PCDHA6: variants seen among roughly 807,000 people sequenced by gnomAD.
PCDHA6 encodes protocadherin alpha-6.
In PCDHA6, 55 loss-of-function variants were observed where a neutral mutation model predicts 60.3. The ratio of observed to expected loss-of-function variants is 0.91; its 90% confidence interval spans 0.73 to 1.14. The LOEUF (loss-of-function observed/expected upper bound fraction) is 1.14. PCDHA6 is among the 50% of genes most tolerant of loss of function. The pLI, the probability that PCDHA6 is intolerant of heterozygous loss-of-function variation, is 0.00. For synonymous variants in PCDHA6, 652 were observed against 557.9 expected, an observed-to-expected ratio of 1.17 and a Z score of -2.38; for missense variants, 1,327 against 1,256.5, an observed-to-expected ratio of 1.06 and a Z score of -0.85.
intron 1 of PCDHA6, among the ~76,000 whole-genome samples, chr5:140,838,280 A>ATTTT (rs34299325): frequency 0.022 from 3,084 of 139,540 alleles, 138 homozygotes; most frequent in African/African-American, 0.08. Context: ...AGCCATGCTA[A>ATTTT]TTTTTTTTTT....
rs2150154867 is a variant in PCDHA6, at chr5:140,828,391, G to T, written c.300G>T (p.Ala100=). 5 of 1,614,294 alleles carry T rather than the reference G, an allele frequency of 3.1e-6. No individual in the cohort carries two copies. In the South Asian group the frequency reaches 5.5e-5, roughly 18 times the overall value. ...GCGAGGAGCTGTGCGGGCGGAGCGC[G>T]GAGTGCAGCATCCACCTGGAGGTGA... ...IDREELCGRS[A]ECSIHLEVIV... The change falls in exon 1 of 4, where the codon GCG becomes GCT. Residue 100 remains alanine, a synonymous_variant. Coordinates refer to ENST00000529310, the MANE Select transcript of PCDHA6 (RefSeq NM_018909.4).
rs2150184620 is a variant in PCDHA6 at position 140,830,293 on chromosome 5, G to T, written c.2202G>T (p.Ala734=). The change falls in exon 1 of 4, where the codon GCG becomes GCT. Residue 734 remains alanine, a synonymous_variant. Transcript: ENST00000529310. ...SAPPTEGACT[A]DKPTLVCSSA... ...CACCCACCGAGGGCGCGTGCACGGC[G>T]GACAAGCCCACGCTGGTGTGCTCCA... The T allele has an allele frequency of 1.5e-5, 25 of 1,613,858 alleles. No homozygotes were observed. The South Asian group carries it at 2.7e-4, about 18-fold the overall frequency.
rs145175505 is a variant in PCDHA6, at chr5:140,843,176, C to T, written c.2394+12691C>T. On this transcript the variant is annotated intron_variant, in intron 1 of 3. Coordinates refer to ENST00000529310, the MANE Select transcript of PCDHA6 (RefSeq NM_018909.4). ...GCTGCAGCCAGCTGCAAGCAGCCCT[C>T]GCATCCCGTTCCGCGTGGGGCTGTA... 1.2e-5 allele frequency: 19 copies of T among 1,595,968 alleles called. 3 individuals carry two copies. Among genetic ancestry groups the T allele is most frequent in the Non-Finnish European group, 1.5e-5 (18 of 1,165,618 alleles).
At chr5:140,835,916 C>T (rs1359534891) in intron 1 of PCDHA6, 4 of 1,612,180 alleles carry the variant, frequency 2.5e-6, no homozygotes, top group Non-Finnish European at 2.5e-6. Context: ...TGTCAGTGCA[C>T]GCGGAGAGCG....
intron 3 of PCDHA6, among the ~76,000 whole-genome samples, chr5:141,008,506 T>G (rs1362141784): frequency 5.9e-5 from 9 of 152,202 alleles, no homozygotes; most frequent in African/African-American, 2.2e-4. Context: ...CTTTATGGTG[T>G]GTCTTCCAAT....
intron 1 of PCDHA6, among the ~76,000 whole-genome samples, chr5:140,901,565 G>A (rs1554189898): frequency 6.6e-6 from 1 of 152,062 alleles, no homozygotes; most frequent in African/African-American, 2.4e-5. Context: ...CTATGTGTCT[G>A]TTTTTATGCC....
In PCDHA6 at chr5:140,870,604, C is replaced by A. The variant is rs376574285; in HGVS notation, c.2394+40119C>A. 10 of 1,613,134 alleles carry A rather than the reference C, an allele frequency of 6.2e-6. No homozygotes were observed. The African/African-American group carries it at 6.7e-5, about 11-fold the overall frequency. Reference sequence around the variant, plus strand: ...GCTGGTGGAGCGGCGGTTGGGCGACCGCGCGCTGTCGAGCTACGTGTCGGT... The same window carrying A: ...GCTGGTGGAGCGGCGGTTGGGCGACAGCGCGCTGTCGAGCTACGTGTCGGT... On this transcript the variant is annotated intron_variant, in intron 1 of 3. Coordinates refer to ENST00000529310, the MANE Select transcript of PCDHA6 (RefSeq NM_018909.4).
At chr5:140,865,393 T>C (rs1484152946) in intron 1 of PCDHA6, 1 of 152,180 alleles carries the variant, frequency 6.6e-6, no homozygotes, top group Admixed American at 6.5e-5. Flanking sequence ...AAAGTTAATA[T>C]AAATGCTGAA....
chr5:141,009,651 C>A lies in PCDHA6; in HGVS notation c.2567C>A (p.Pro856His). 1 of 1,613,950 alleles carries A rather than the reference C, an allele frequency of 6.2e-7. No individual in the cohort carries two copies. The highest frequency in any genetic ancestry group is 8.5e-7 in the Non-Finnish European group (1 of 1,179,936). Residue 856 changes from proline (P) to histidine (H), a missense_variant, in exon 4 of 4, where the codon CCT (proline) becomes CAT (histidine). By Grantham distance (77) the Pro-to-His change is moderately conservative. Coordinates refer to ENST00000529310, the MANE Select transcript of PCDHA6 (RefSeq NM_018909.4). Reference protein sequence around the residue: ...TPEPEAGEVSPPVGAGVNSNS... With the variant: ...TPEPEAGEVSHPVGAGVNSNS... ...GAACCAGAGGCAGGAGAAGTGTCCC[C>A]TCCAGTCGGTGCGGGTGTCAACAGC...
chr5:140,993,408 A>G (rs985721464), intron 3 of PCDHA6, among the ~76,000 whole-genome samples: 1 of 150,930 alleles, frequency 6.6e-6, no homozygotes, highest in African/African-American at 2.4e-5. Flanking sequence ...AACCACCTTC[A>G]TCAGCATTTC....
chr5:140,925,026 G>A (rs1440774987), intron 1 of PCDHA6, among the ~76,000 whole-genome samples: 1 of 151,826 alleles, frequency 6.6e-6, no homozygotes, highest in Non-Finnish European at 1.5e-5. Flanking sequence ...TGGGAGGATC[G>A]CTTGAGCCCA....
intron 3 of PCDHA6, among the ~76,000 whole-genome samples, chr5:140,984,822 AC>A (rs1398539032): frequency 6.6e-6 from 1 of 152,126 alleles, no homozygotes; most frequent in Non-Finnish European, 1.5e-5. Flanking sequence ...TTTCTTAATT[AC>A]CCTTTCTGTA....
intron 1 of PCDHA6, chr5:140,930,379 G>T (rs1249793792): frequency 6.6e-6 from 1 of 151,896 alleles, no homozygotes; most frequent in African/African-American, 2.4e-5. Flanking sequence ...GTGGCCCTTG[G>T]CATTTCAAAA....
intron 3 of PCDHA6, among the ~76,000 whole-genome samples, chr5:140,988,428 G>A (rs1186229744): frequency 6.6e-6 from 1 of 152,160 alleles, no homozygotes; most frequent in Non-Finnish European, 1.5e-5. Context: ...GAATTTGTTT[G>A]TTTTGGATTG....
chr5:140,830,753 T>G (rs1771228172), intron 1 of PCDHA6: 1 of 184,998 alleles, frequency 5.4e-6, no homozygotes, highest in Non-Finnish European at 1.1e-5. Context: ...TCTGTTGCAT[T>G]TTAATTCAGA....
intron 1 of PCDHA6, chr5:140,967,765 C>A: frequency 6.2e-7 from 1 of 1,614,234 alleles, no homozygotes; most frequent in Non-Finnish European, 8.5e-7. Context: ...CCTACCAGAT[C>A]TATGTGCAGG....
rs2150171072 is a variant in PCDHA6 at position 140,829,605 on chromosome 5, C to A, written c.1514C>A (p.Ser505Ter). The A allele has an allele frequency of 6.2e-7, 1 of 1,612,104 alleles. No homozygotes were observed. The highest frequency in any genetic ancestry group is 8.5e-7 in the Non-Finnish European group (1 of 1,179,784). ...CGGCGGGTGGGCGAGCGCGCGTTGT[C>A]GAGCTACATTTCGGTGCACGCGGAG... ...VERRVGERALSSYISVHAESG... is the reference protein window; with the variant it reads ...VERRVGERAL Residue 505 changes from serine to a stop codon, truncating the protein, a stop_gained, in exon 1 of 4, where the codon TCG becomes TAG. Transcript: ENST00000529310. LOFTEE classifies it high-confidence loss of function.
At position 140,851,049 on chromosome 5, in the gene PCDHA6, T is replaced by C. The variant is rs114642351; in HGVS notation, c.2394+20564T>C. 2.7e-3 allele frequency: 3,765 copies of C among 1,386,504 alleles called. 305 individuals are homozygous for C. The highest frequency in any genetic ancestry group is 3.1e-3 in the Non-Finnish European group (3,266 of 1,057,356). The allele number at this position is 1,386,504 out of a possible 1,614,324, so 85.9% of individuals were successfully genotyped here. On this transcript the variant is annotated intron_variant, in intron 1 of 3. Coordinates refer to ENST00000529310, the MANE Select transcript of PCDHA6 (RefSeq NM_018909.4). ...AACCCCTTAACATTGGAGCCGACTTTGTCTTGACTTCTAGTGAGAATTATA... is the reference window on the plus strand; with the variant it reads ...AACCCCTTAACATTGGAGCCGACTTCGTCTTGACTTCTAGTGAGAATTATA...
At chr5:140,994,474 G>A (rs545568699) in intron 3 of PCDHA6, among the ~76,000 whole-genome samples, 27 of 152,078 alleles carry the variant, frequency 1.8e-4, no homozygotes, top group Non-Finnish European at 2.9e-4. Flanking sequence ...AGGCTGAGGC[G>A]GGTGGATTGC....
Sources: allele counts gnomAD v4.1 joint callset (sites outside exome capture counted in the v4.1 genomes callset), GRCh38; gene constraint gnomAD v4.1.1; transcripts MANE v1.5; gene names NCBI Gene and HGNC (gene_info 2026-07-23, HGNC 2026-07-21).